The following SEMA3A variants were observed in gnomAD, a reference collection of about 807,000 sequenced individuals.
SEMA3A encodes the protein semaphorin-3A.
Under a neutral mutation model 97.9 loss-of-function variants are expected in SEMA3A, and 29 were observed. The observed-to-expected ratio is 0.30, with a 90% CI of 0.22 to 0.40. The LOEUF is 0.40. SEMA3A is among the 10% of genes least tolerant of loss of function. SEMA3A has a pLI of 1.00. For synonymous variants in SEMA3A, 321 were observed against 323.7 expected (o/e 0.99, Z 0.09); for missense variants, 763 against 951.3 (o/e 0.80, Z 2.60).
intron 9 of SEMA3A, among the ~76,000 whole-genome samples, chr7:84,008,435 G>C (rs1790752460): frequency 6.8e-6 from 1 of 146,298 alleles, no homozygotes; most frequent in Non-Finnish European, 1.5e-5. Flanking sequence ...AGCTTGCAGT[G>C]AGCCTAGATC....
At chr7:84,023,800 G>A (rs928025020) in intron 6 of SEMA3A, among the ~76,000 whole-genome samples, 3 of 151,928 alleles carry the variant, frequency 2.0e-5, no homozygotes, top group Non-Finnish European at 4.4e-5. Flanking sequence ...CACGAGGTCA[G>A]GAGATCGAGA....
At chr7:84,233,493 A>C (rs1042324065) in intron 3 of SEMA3A, among the ~76,000 whole-genome samples, 1 of 152,038 alleles carries the variant, frequency 6.6e-6, no homozygotes, top group Non-Finnish European at 1.5e-5. Flanking sequence ...TTTCACAGGA[A>C]AATTCACAAC....
Position 84,095,358 on chromosome 7 carries a change from C to CATATATATATATAT in SEMA3A, c.453+15098_453+15111dup, listed in dbSNP as rs200107086. Reference sequence around the variant, plus strand: ...ATATATATTTTATATTTTTTATATACATATATATATATATATATATATATA... The same window carrying CATATATATATATAT: ...ATATATATTTTATATTTTTTATATACATATATATATATATATATATATATATATATATATATATA... On this transcript the variant is annotated intron_variant, in intron 4 of 16. Coordinates refer to ENST00000265362, the MANE Select transcript of SEMA3A (RefSeq NM_006080.3). Among the ~76,000 whole-genome samples, 175 of 122,846 alleles carry CATATATATATATAT rather than the reference C, an allele frequency of 1.4e-3. 1 individual carries two copies. Among genetic ancestry groups the CATATATATATATAT allele is most frequent in the African/African-American group, 3.9e-3 (112 of 28,982 alleles). The allele number at this position is 122,846 out of a possible 152,430, so 80.6% of individuals were successfully genotyped here.
At chr7:84,034,494 C>T (rs1791872173) in intron 6 of SEMA3A, among the ~76,000 whole-genome samples, 1 of 152,116 alleles carries the variant, frequency 6.6e-6, no homozygotes, top group African/African-American at 2.4e-5. Flanking sequence ...ATTTGATTAT[C>T]TATAGTTTGG....
chr7:84,282,905 T>C (rs1461847755), intron 3 of SEMA3A, among the ~76,000 whole-genome samples: 4 of 151,840 alleles, frequency 2.6e-5, no homozygotes, highest in Non-Finnish European at 4.4e-5. Flanking sequence ...TCCAGGCTAC[T>C]TGGGAGGCTG....
chr7:84,366,279 T>G (rs1158697619), intron 2 of SEMA3A, among the ~76,000 whole-genome samples: 2 of 151,282 alleles, frequency 1.3e-5, no homozygotes, highest in Non-Finnish European at 3.0e-5. Flanking sequence ...AGTAGTAGGT[T>G]CCACAGACCT....
chr7:84,477,213 C>T (rs909757129), intron 1 of SEMA3A, among the ~76,000 whole-genome samples: 6 of 150,194 alleles, frequency 4.0e-5, no homozygotes, highest in South Asian at 2.1e-4. Context: ...CCGAGGTGGG[C>T]GGATCACAAG....
intron 4 of SEMA3A, among the ~76,000 whole-genome samples, chr7:84,100,486 A>T (rs1794928005): frequency 6.6e-6 from 1 of 152,108 alleles, no homozygotes; most frequent in African/African-American, 2.4e-5. Context: ...ACCTCATCAG[A>T]TTTTGTGATA....
chr7:84,320,393 A>G (rs1282240798), intron 2 of SEMA3A, among the ~76,000 whole-genome samples: 50 of 152,174 alleles, frequency 3.3e-4, no homozygotes, highest in Admixed American at 3.3e-3. Context: ...GTTAAGTTTC[A>G]GCAGGAATTC....
In SEMA3A at chr7:84,420,516, A is replaced by C. The variant is rs550152122; in HGVS notation, c.-245-48616T>G. ...TAAAATTATCCAGTCTGAAAAACAG[A>C]AAGAATAATAAAGTGAACCAAGTGA... On this transcript the variant is annotated intron_variant, in intron 1 of 3. Transcript: ENST00000424555. 2.0e-5 allele frequency among the ~76,000 whole-genome samples: 3 copies of C among 152,202 alleles called. No homozygotes were observed. In the East Asian group the frequency reaches 5.8e-4, roughly 29 times the overall value.
At chr7:84,309,526 T>A (rs151088645) in intron 2 of SEMA3A, among the ~76,000 whole-genome samples, 1 of 152,222 alleles carries the variant, frequency 6.6e-6, no homozygotes, top group Non-Finnish European at 1.5e-5. Context: ...CAGCAAAGGG[T>A]GTGTAAAGTC....
chr7:84,209,299 G>A (rs1798569542), intron 3 of SEMA3A, among the ~76,000 whole-genome samples: 1 of 152,178 alleles, frequency 6.6e-6, no homozygotes, highest in Non-Finnish European at 1.5e-5. Context: ...CCATGTAGTA[G>A]GCTGTGTATG....
intron 2 of SEMA3A, among the ~76,000 whole-genome samples, chr7:84,130,992 CTG>C: frequency 6.6e-6 from 1 of 151,982 alleles, no homozygotes; most frequent in Non-Finnish European, 1.5e-5. Flanking sequence ...TTATGATTCT[CTG>C]TGATTCTTTT....
chr7:84,216,436 A>G (rs1376390398), intron 3 of SEMA3A, among the ~76,000 whole-genome samples: 4 of 152,148 alleles, frequency 2.6e-5, no homozygotes, highest in African/African-American at 9.7e-5. Context: ...AGCAGTTGGA[A>G]GAGTAGCTCA....
At chr7:84,290,328 A>G (rs758636518) in intron 3 of SEMA3A, among the ~76,000 whole-genome samples, 3 of 152,148 alleles carry the variant, frequency 2.0e-5, no homozygotes, top group East Asian at 3.9e-4. Flanking sequence ...TGGCTCATCT[A>G]GAATCCGAGG....
At chr7:83,991,069 C>T (rs1416511396) in intron 12 of SEMA3A, among the ~76,000 whole-genome samples, 1 of 149,424 alleles carries the variant, frequency 6.7e-6, no homozygotes, top group Admixed American at 6.7e-5. Flanking sequence ...GTATTTTATT[C>T]TCTTTGAAGC....
chr7:84,033,147 G>C (rs939663547), intron 6 of SEMA3A, among the ~76,000 whole-genome samples: 11 of 152,102 alleles, frequency 7.2e-5, no homozygotes, highest in Non-Finnish European at 1.5e-4. Context: ...GTTAAAGACA[G>C]TTAATTCATA....
chr7:84,485,341 A>C (rs917767961), intron 1 of SEMA3A, among the ~76,000 whole-genome samples: 7 of 152,032 alleles, frequency 4.6e-5, no homozygotes, highest in Non-Finnish European at 1.0e-4. Flanking sequence ...GGGGTAGCTG[A>C]GAGCACACAT....
intron 4 of SEMA3A, among the ~76,000 whole-genome samples, chr7:84,103,752 CAT>C (rs71821763): frequency 0.026 from 3,945 of 151,786 alleles, 164 homozygotes; most frequent in African/African-American, 0.09. Flanking sequence ...AAAAATAAAA[CAT>C]AGAACTAGAG....
Sources: allele counts gnomAD v4.1 joint callset (sites outside exome capture counted in the v4.1 genomes callset), GRCh38; gene constraint gnomAD v4.1.1; transcripts MANE v1.5; gene names NCBI Gene and HGNC (gene_info 2026-07-23, HGNC 2026-07-21).